Variants in GALNT5 observed in about 807,000 individuals in gnomAD.
GALNT5 encodes UDP-GalNAc:polypeptide N-acetylgalactosaminyltransferase 5.
In GALNT5, 72 loss-of-function variants were observed where a neutral mutation model predicts 85.4. The observed-to-expected ratio is 0.84, with a 90% CI of 0.70 to 1.03. GALNT5 has a LOEUF of 1.03. GALNT5 is among the 50% of genes least tolerant of loss of function. The pLI is 0.00. For missense variants in GALNT5, 1,137 were observed against 1,135.5 expected, an observed-to-expected ratio of 1.00 and a Z score of -0.02; for synonymous variants, 404 against 397.0, an observed-to-expected ratio of 1.02 and a Z score of -0.21.
chr2:157,278,196 T>C (rs1413926457), intron 1 of GALNT5, among the ~76,000 whole-genome samples: 2 of 152,246 alleles, frequency 1.3e-5, no homozygotes, highest in African/African-American at 2.4e-5. Flanking sequence ...GATCCACCAT[T>C]AGTCTGATCG....
chr2:157,301,208 C>T (rs1189268700), intron 7 of GALNT5, among the ~76,000 whole-genome samples: 2 of 152,182 alleles, frequency 1.3e-5, no homozygotes, highest in African/African-American at 4.8e-5. Context: ...CAACAGATAT[C>T]TATTGAGTAT....
intron 8 of GALNT5, among the ~76,000 whole-genome samples, chr2:157,306,098 G>T (rs768944300): frequency 1.8e-4 from 28 of 152,152 alleles, no homozygotes; most frequent in African/African-American, 6.8e-4. Flanking sequence ...CTTAACCTTT[G>T]GGTAAATGGT....
chr2:157,278,322 G>T (rs541045461), intron 1 of GALNT5, among the ~76,000 whole-genome samples: 1 of 152,264 alleles, frequency 6.6e-6, no homozygotes, highest in South Asian at 2.1e-4. Context: ...TTCTCATGGA[G>T]TATCTTTGTG....
At position 157,299,675 on chromosome 2, in the gene GALNT5, G is replaced by A. The variant is rs530195819; in HGVS notation, c.2115+10G>A. 5.7e-6 allele frequency: 8 copies of A among 1,407,364 alleles called. No individual in the cohort carries two copies. Among genetic ancestry groups the A allele is most frequent in the Non-Finnish European group, 8.0e-6 (8 of 1,000,930 alleles). 87.2% of individuals were successfully genotyped at this position (1,407,364 alleles called of 1,614,324 possible). On this transcript the variant is annotated intron_variant, in intron 6 of 9. Coordinates refer to ENST00000259056, the MANE Select transcript of GALNT5 (RefSeq NM_014568.3). ...GGAGCTCTCATTCAAGGTATTACCA[G>A]GTGTTTCCCAACTTTTCTTTACGAT...
intron 1 of GALNT5, among the ~76,000 whole-genome samples, chr2:157,281,632 G>A (rs1682857145): frequency 6.6e-6 from 1 of 151,676 alleles, no homozygotes; most frequent in African/African-American, 2.4e-5. Context: ...AAGAAAGAAA[G>A]CTTCTATCAA....
chr2:157,307,288 A>T (rs2105169719), intron 8 of GALNT5, among the ~76,000 whole-genome samples: 1 of 152,366 alleles, frequency 6.6e-6, no homozygotes. Context: ...AGCAGAATTA[A>T]TGAGGCTTAA....
At chr2:157,299,290 G>T in intron 5 of GALNT5, 1 of 340,194 alleles carries the variant, frequency 2.9e-6, no homozygotes, top group Non-Finnish European at 5.4e-6. Flanking sequence ...AACATTCCTG[G>T]ACAGTTTGTG....
At chr2:157,278,496 G>C (rs746432579) in intron 1 of GALNT5, among the ~76,000 whole-genome samples, 1 of 152,090 alleles carries the variant, frequency 6.6e-6, no homozygotes, top group Non-Finnish European at 1.5e-5. Context: ...ATATTTCTTG[G>C]AGGCTTTGTT....
rs1226313993 is a variant in GALNT5 at position 157,312,784 on chromosome 2, CTTCACAGAA to C, written c.*1440_*1448del. On this transcript the variant is annotated 3_prime_UTR_variant, in exon 10 of 10. Coordinates refer to ENST00000259056, the MANE Select transcript of GALNT5 (RefSeq NM_014568.3). ...CAGGTCACTGGCCCGAACAAATCTG[CTTCACAGAA>C]TTCCTTAGAAAGAGATACACAATTC... The C allele has an allele frequency of 2.6e-5, 4 of 152,278 alleles. No individual in the cohort carries two copies. Among genetic ancestry groups the C allele is most frequent in the Non-Finnish European group, 4.4e-5 (3 of 68,012 alleles). The allele number at this position is 152,278 out of a possible 1,614,324, so 9.4% of individuals were successfully genotyped here. A position where few individuals can be genotyped will look rare whatever the true frequency, so the allele number is the denominator to read the frequency against.
intron 1 of GALNT5, among the ~76,000 whole-genome samples, chr2:157,275,634 A>G (rs1682707003): frequency 6.6e-6 from 1 of 152,100 alleles, no homozygotes; most frequent in African/African-American, 2.4e-5. Context: ...TTTGTCTGCT[A>G]TTCGTGTATA....
At chr2:157,273,754 T>C (rs1455952111) in intron 1 of GALNT5, among the ~76,000 whole-genome samples, 2 of 146,038 alleles carry the variant, frequency 1.4e-5, no homozygotes, top group Non-Finnish European at 3.0e-5. Context: ...GCAATTCTCC[T>C]ACCTCAGCCT....
At position 157,258,779 on chromosome 2, in the gene GALNT5, G is replaced by A. The variant is rs146507733; in HGVS notation, c.697G>A (p.Ala233Thr). 4 of 1,608,166 alleles carry A rather than the reference G, an allele frequency of 2.5e-6. No individual in the cohort carries two copies. The African/African-American group carries it at 4.0e-5, about 16-fold the overall frequency. ...TGATAGACCAAAGCAGCGATCACAGGCAGTAGCAAACGAGAGGGCACACCC... is the reference window on the plus strand; with the variant it reads ...TGATAGACCAAAGCAGCGATCACAGACAGTAGCAAACGAGAGGGCACACCC... ...STDRPKQRSQ[A>T]VANERAHPAS... Residue 233 changes from alanine to threonine, a missense_variant, in exon 1 of 10, where the codon GCA (alanine) becomes ACA (threonine). Transcript: ENST00000259056.
Position 157,311,577 on chromosome 2 carries a change from C to A in GALNT5, c.*229C>A. On this transcript the variant is annotated 3_prime_UTR_variant, in exon 10 of 10. Transcript: ENST00000259056. ...AACTGGGTGGCCTTTGAATTGCCTG[C>A]TTTCCACCCTATGCTAGACCTCATC... The A allele has an allele frequency of 2.5e-6, 1 of 405,580 alleles. No homozygotes were observed. Among genetic ancestry groups the A allele is most frequent in the Non-Finnish European group, 4.4e-6 (1 of 227,608 alleles). 25.1% of individuals were successfully genotyped at this position (405,580 alleles called of 1,614,324 possible).
At chr2:157,277,339 C>T (rs1177378928) in intron 1 of GALNT5, among the ~76,000 whole-genome samples, 1 of 152,136 alleles carries the variant, frequency 6.6e-6, no homozygotes, top group Non-Finnish European at 1.5e-5. Context: ...ATTAGGTCTG[C>T]TTGGTGCAGA....
chr2:157,285,781 C>A (rs906234142), intron 2 of GALNT5, among the ~76,000 whole-genome samples: 1 of 152,124 alleles, frequency 6.6e-6, no homozygotes, highest in African/African-American at 2.4e-5. Flanking sequence ...CATCACCTTA[C>A]AACACTGAAA....
At chr2:157,289,787 T>C (rs6712926) in intron 3 of GALNT5, among the ~76,000 whole-genome samples, 110,643 of 152,094 alleles carry the variant, frequency 0.73, 45,482 homozygotes, top group Non-Finnish European at 0.92. Context: ...ATACAAAATA[T>C]ATATGGCTGG....
At position 157,259,507 on chromosome 2, in the gene GALNT5, T is replaced by G. The variant is rs768475075; in HGVS notation, c.1425T>G (p.Asp475Glu). ...NVYLSDLIPV[D>E]RAIEDTRPAG... The stretch of plus-strand genomic sequence containing the variant: ...ACCTTAGCGATTTGATCCCAGTGGA[T>G]AGAGCCATTGAAGACACCAGACCTG... Residue 475 changes from aspartate to glutamate, a missense_variant, in exon 1 of 10, where the codon GAT becomes GAG. Coordinates refer to ENST00000259056, the MANE Select transcript of GALNT5 (RefSeq NM_014568.3). 2 of 1,401,062 alleles carry G rather than the reference T, an allele frequency of 1.4e-6. No individual in the cohort carries two copies. 86.8% of individuals were successfully genotyped at this position (1,401,062 alleles called of 1,614,324 possible).
chr2:157,296,347 A>C, intron 4 of GALNT5, 47 bp from the exon 5 acceptor site: 1 of 1,475,184 alleles, frequency 6.8e-7, no homozygotes, highest in Non-Finnish European at 9.5e-7. Flanking sequence ...GTATATAAAG[A>C]TGTATATAAT....
intron 3 of GALNT5, among the ~76,000 whole-genome samples, chr2:157,289,731 C>T (rs982417409): frequency 2.0e-4 from 31 of 151,740 alleles, no homozygotes; most frequent in African/African-American, 7.0e-4. Flanking sequence ...TATTAATTAC[C>T]CAAAAAGGAA....
Sources: gnomAD v4.1 joint callset for allele counts (sites outside exome capture counted in the v4.1 genomes callset) on GRCh38, gnomAD v4.1.1 for gene constraint, MANE v1.5 for transcripts, NCBI Gene and HGNC (gene_info 2026-07-23, HGNC 2026-07-21) for gene names.